POFUT3: variants seen among roughly 807,000 people sequenced by gnomAD.
POFUT3 encodes protein O-fucosyltransferase 3, also known as GDP-fucose protein O-fucosyltransferase 3.
At chr8:33,441,890 G>A in the POFUT3 span, among the ~76,000 whole-genome samples, 1 of 152,122 alleles carries the variant, frequency 6.6e-6, no homozygotes, top group Non-Finnish European at 1.5e-5. Flanking sequence ...AGTGAAATCT[G>A]TGCCCTGCCT....
the POFUT3 span, among the ~76,000 whole-genome samples, chr8:33,382,725 G>C: frequency 6.6e-6 from 1 of 152,196 alleles, no homozygotes; most frequent in East Asian, 1.9e-4. Context: ...TACCCCAGCA[G>C]CAGCTGAGTA....
the POFUT3 span, among the ~76,000 whole-genome samples, chr8:33,431,303 T>C: frequency 1.3e-5 from 2 of 151,812 alleles, no homozygotes; most frequent in African/African-American, 4.8e-5. Flanking sequence ...TCCCAGCACT[T>C]TGGGGAGCCA....
chr8:33,309,050 C>A, the POFUT3 span, among the ~76,000 whole-genome samples: 9 of 146,988 alleles, frequency 6.1e-5, no homozygotes, highest in African/African-American at 2.3e-4. Flanking sequence ...GGCGAAACCT[C>A]CATAGTCTGG....
the POFUT3 span, among the ~76,000 whole-genome samples, chr8:33,327,309 C>G: frequency 6.6e-6 from 1 of 152,086 alleles, no homozygotes; most frequent in Non-Finnish European, 1.5e-5. Flanking sequence ...TGTAAGATGT[C>G]TTATATATGT....
the POFUT3 span, among the ~76,000 whole-genome samples, chr8:33,370,169 T>TAAAAAAAAAAAAAAAA: frequency 7.5e-5 from 3 of 39,896 alleles, no homozygotes; most frequent in East Asian, 1.9e-3. Flanking sequence ...CCATCTTTAC[T>TAAAAAAAAAAAAAAAA]AAAAAAAAAA....
chr8:33,394,150 A>C, the POFUT3 span: 2 of 201,246 alleles, frequency 9.9e-6, no homozygotes, highest in South Asian at 1.4e-4. Flanking sequence ...ACGCCACTGC[A>C]CTCCAGCCTG....
chr8:33,435,688 G>A, the POFUT3 span, among the ~76,000 whole-genome samples: 3,371 of 150,558 alleles, frequency 0.022, 63 homozygotes, highest in East Asian at 0.084. Flanking sequence ...GACAATTTTT[G>A]TATTTTTAGT....
At chr8:33,396,857 A>G in the POFUT3 span, among the ~76,000 whole-genome samples, 1 of 152,148 alleles carries the variant, frequency 6.6e-6, no homozygotes, top group Admixed American at 6.6e-5. Flanking sequence ...AATCCTCTCC[A>G]CTGTGTTCTT....
chr8:33,401,902 T>C, the POFUT3 span, among the ~76,000 whole-genome samples: 81 of 152,070 alleles, frequency 5.3e-4, no homozygotes, highest in East Asian at 0.015. Context: ...GTGGCACACG[T>C]CTGTAGTCCC....
At chr8:33,365,747 C>A in the POFUT3 span, among the ~76,000 whole-genome samples, 1 of 152,068 alleles carries the variant, frequency 6.6e-6, no homozygotes, top group African/African-American at 2.4e-5. Context: ...ATTAAAAAGT[C>A]AGGAAACAAC....
At chr8:33,410,442 A>C in the POFUT3 span, among the ~76,000 whole-genome samples, 7 of 152,102 alleles carry the variant, frequency 4.6e-5, no homozygotes, top group East Asian at 1.4e-3. Flanking sequence ...CCGAGATAGG[A>C]GTGTAGCACC....
chr8:33,437,081 T>G, the POFUT3 span, among the ~76,000 whole-genome samples: 1 of 152,184 alleles, frequency 6.6e-6, no homozygotes, highest in Non-Finnish European at 1.5e-5. Flanking sequence ...TTCATGTTGC[T>G]GTGGAGGACA....
At chr8:33,321,311 G>A in the POFUT3 span, among the ~76,000 whole-genome samples, 2 of 152,232 alleles carry the variant, frequency 1.3e-5, no homozygotes, top group East Asian at 3.9e-4. Context: ...AGATACAGCT[G>A]AAGGGTTTGT....
the POFUT3 span, among the ~76,000 whole-genome samples, chr8:33,459,250 G>T: frequency 2.0e-5 from 3 of 152,088 alleles, no homozygotes; most frequent in Non-Finnish European, 4.4e-5. Flanking sequence ...TGAGGCAGGA[G>T]AATTGCTTGA....
the POFUT3 span, among the ~76,000 whole-genome samples, chr8:33,405,504 C>T: frequency 3.3e-5 from 5 of 151,676 alleles, no homozygotes; most frequent in Admixed American, 6.6e-5. Context: ...AAAAAATAGT[C>T]GATGATTCAA....
the POFUT3 span, among the ~76,000 whole-genome samples, chr8:33,414,239 G>C: frequency 6.6e-6 from 1 of 151,896 alleles, no homozygotes; most frequent in Non-Finnish European, 1.5e-5. Context: ...CTCCGAGATT[G>C]CCTGGGAGAC....
At chr8:33,424,000 A>C in the POFUT3 span, among the ~76,000 whole-genome samples, 48 of 151,886 alleles carry the variant, frequency 3.2e-4, no homozygotes. Flanking sequence ...TTAGCTGGGC[A>C]TGGTGGTACA....
the POFUT3 span, among the ~76,000 whole-genome samples, chr8:33,419,445 A>AGT: frequency 8.3e-3 from 1,267 of 152,322 alleles, 22 homozygotes; most frequent in East Asian, 0.094. Context: ...TTGCATGTGC[A>AGT]TGACAATAGG....
At chr8:33,454,090 G>A in the POFUT3 span, among the ~76,000 whole-genome samples, 2 of 152,146 alleles carry the variant, frequency 1.3e-5, no homozygotes, top group African/African-American at 2.4e-5. Context: ...TTGCACCAAT[G>A]GTATCCAGCC....
Sources: allele counts gnomAD v4.1 joint callset (sites outside exome capture counted in the v4.1 genomes callset), GRCh38; gene constraint gnomAD v4.1.1; transcripts MANE v1.5; gene names NCBI Gene and HGNC (gene_info 2026-07-23, HGNC 2026-07-21).